The following EXOC4 variants were observed in gnomAD, a reference collection of about 807,000 sequenced individuals.
EXOC4 encodes SEC8-like 1.
Under a neutral mutation model 107.2 loss-of-function variants are expected in EXOC4, and 71 were observed. The ratio of observed to expected loss-of-function variants is 0.66; its 90% confidence interval spans 0.55 to 0.81. The LOEUF (loss-of-function observed/expected upper bound fraction) is 0.81. Among genes scored for constraint, EXOC4 ranks in the 30% least tolerant of loss-of-function variants. EXOC4 has a pLI of 0.00. For missense variants in EXOC4, 1,108 were observed against 1,189.6 expected, an observed-to-expected ratio of 0.93 and a Z score of 1.01; for synonymous variants, 456 against 441.2, an observed-to-expected ratio of 1.03 and a Z score of -0.42.
At chr7:133,909,515 A>T (rs1231694321) in intron 12 of EXOC4, among the ~76,000 whole-genome samples, 1 of 152,128 alleles carries the variant, frequency 6.6e-6, no homozygotes, top group Non-Finnish European at 1.5e-5. Flanking sequence ...GAAGATGGGA[A>T]CTAGCTTGAA....
At chr7:133,312,681 G>A (rs1229000579) in intron 4 of EXOC4, among the ~76,000 whole-genome samples, 1 of 151,392 alleles carries the variant, frequency 6.6e-6, no homozygotes, top group African/African-American at 2.4e-5. Context: ...TGACGTGGGG[G>A]GTGGATGGAC....
chr7:133,567,274 T>C (rs1318505796), intron 9 of EXOC4, among the ~76,000 whole-genome samples: 2 of 152,078 alleles, frequency 1.3e-5, no homozygotes, highest in African/African-American at 2.4e-5. Context: ...TATTCTTTTT[T>C]TTCCTGTTTT....
chr7:133,634,682 G>A (rs867876593), intron 10 of EXOC4, among the ~76,000 whole-genome samples: 9 of 151,966 alleles, frequency 5.9e-5, no homozygotes, highest in South Asian at 2.1e-4. Flanking sequence ...ACAGGGATTC[G>A]CCATGTTGGC....
At chr7:133,961,865 C>T (rs1224648713) in intron 14 of EXOC4, among the ~76,000 whole-genome samples, 1 of 152,180 alleles carries the variant, frequency 6.6e-6, no homozygotes, top group Non-Finnish European at 1.5e-5. Context: ...TTGTAGAACA[C>T]CAACCAGGTA....
chr7:133,542,915 T>G (rs2150933378), intron 9 of EXOC4, among the ~76,000 whole-genome samples: 1 of 152,214 alleles, frequency 6.6e-6, no homozygotes, highest in East Asian at 1.9e-4. Context: ...AACTTACAGG[T>G]TATAAATGTT....
intron 9 of EXOC4, among the ~76,000 whole-genome samples, chr7:133,504,761 C>T (rs544831590): frequency 2.0e-4 from 30 of 151,866 alleles, no homozygotes; most frequent in African/African-American, 5.8e-4. Context: ...ATATTTCTGC[C>T]GGGGTAACTG....
chr7:133,845,335 A>T (rs868651073), intron 11 of EXOC4, among the ~76,000 whole-genome samples: 12,427 of 137,928 alleles, frequency 0.09, 715 homozygotes, highest in Non-Finnish European at 0.13. Context: ...GCAGGTTAGT[A>T]GTGTGTGTGT....
chr7:133,601,984 C>T (rs1024928229), intron 9 of EXOC4: 1 of 152,230 alleles, frequency 6.6e-6, no homozygotes, highest in African/African-American at 2.4e-5. Flanking sequence ...CTGCACCTGC[C>T]CACCCAGCTG....
At chr7:133,856,046 C>T (rs907319390) in intron 11 of EXOC4, among the ~76,000 whole-genome samples, 2 of 152,176 alleles carry the variant, frequency 1.3e-5, no homozygotes, top group African/African-American at 4.8e-5. Context: ...CGTAAAAGTA[C>T]TTTATCAAAC....
At chr7:133,860,263 A>G (rs752015822) in intron 11 of EXOC4, among the ~76,000 whole-genome samples, 58 of 152,320 alleles carry the variant, frequency 3.8e-4, no homozygotes, top group Non-Finnish European at 7.1e-4. Flanking sequence ...TGCTAGGAGA[A>G]CATCTGGTCA....
At chr7:133,642,843 T>G (rs1802891926) in intron 10 of EXOC4, among the ~76,000 whole-genome samples, 1 of 152,150 alleles carries the variant, frequency 6.6e-6, no homozygotes. Context: ...AGGTCTGTCA[T>G]GCTATTTTCA....
intron 10 of EXOC4, chr7:133,771,420 C>G (rs1467930264): frequency 6.6e-6 from 1 of 151,908 alleles, no homozygotes; most frequent in South Asian, 2.1e-4. Flanking sequence ...TCTTAACCCC[C>G]TAGTTAGAGG....
chr7:133,319,861 T>G, intron 5 of EXOC4, among the ~76,000 whole-genome samples: 1 of 99,248 alleles, frequency 1.0e-5, no homozygotes, highest in South Asian at 3.9e-4. Flanking sequence ...TTTTTTTTTG[T>G]GCGTGACCAA....
chr7:133,918,232 G>A (rs1489455363), intron 13 of EXOC4, among the ~76,000 whole-genome samples: 1 of 151,854 alleles, frequency 6.6e-6, no homozygotes, highest in Non-Finnish European at 1.5e-5. Context: ...CACCTGCCTC[G>A]GCCTCCCAAA....
rs192881872 is a variant in EXOC4, at chr7:133,357,099, A to C, written c.1007+526A>C. On this transcript the variant is annotated intron_variant, in intron 6 of 17. Coordinates refer to ENST00000253861, the MANE Select transcript of EXOC4 (RefSeq NM_021807.4). The stretch of plus-strand genomic sequence containing the variant: ...AAAAATTCAAAGCATATTGTCACTC[A>C]ATGAAAAATATGGACATATTTATAG... Among the ~76,000 whole-genome samples the C allele has an allele frequency of 3.1e-3, 475 of 152,374 alleles. 3 individuals carry two copies. The highest frequency in any genetic ancestry group is 4.8e-3 in the Admixed American group (73 of 15,308).
chr7:133,260,969 C>G (rs1795138292), intron 1 of EXOC4, among the ~76,000 whole-genome samples: 1 of 152,148 alleles, frequency 6.6e-6, no homozygotes, highest in Admixed American at 6.6e-5. Flanking sequence ...TGCTGGTTCA[C>G]TAGTCTTTTC....
At chr7:133,348,888 T>G (rs1280868971) in intron 5 of EXOC4, among the ~76,000 whole-genome samples, 2 of 152,190 alleles carry the variant, frequency 1.3e-5, no homozygotes, top group African/African-American at 2.4e-5. Flanking sequence ...TTATTCCAAG[T>G]TTTACTAATA....
At chr7:133,720,691 T>A (rs981103681) in intron 10 of EXOC4, among the ~76,000 whole-genome samples, 3 of 152,180 alleles carry the variant, frequency 2.0e-5, no homozygotes, top group Non-Finnish European at 4.4e-5. Context: ...AACTTGTTGA[T>A]GATGCTTAAC....
chr7:133,552,904 T>G (rs1421468259), intron 9 of EXOC4, among the ~76,000 whole-genome samples: 1 of 152,196 alleles, frequency 6.6e-6, no homozygotes, highest in Non-Finnish European at 1.5e-5. Flanking sequence ...TTATTAAATA[T>G]TTGAATAAAA....
Sources: allele counts gnomAD v4.1 joint callset (sites outside exome capture counted in the v4.1 genomes callset), GRCh38; gene constraint gnomAD v4.1.1; transcripts MANE v1.5; gene names NCBI Gene and HGNC (gene_info 2026-07-23, HGNC 2026-07-21).